The following NUP43 variants were observed in gnomAD, a reference collection of about 807,000 sequenced individuals.
NUP43 encodes nucleoporin Nup43.
NUP43 carries 32 observed loss-of-function variants against 47.3 expected under a neutral mutation model. That is an observed-to-expected ratio of 0.68 (90% CI 0.51 to 0.91). The LOEUF (loss-of-function observed/expected upper bound fraction) is 0.91. Among genes scored for constraint, NUP43 ranks in the 40% least tolerant of loss-of-function variants. The pLI, the probability that NUP43 is intolerant of heterozygous loss-of-function variation, is 0.00. For missense variants in NUP43, 444 were observed against 453.9 expected, an observed-to-expected ratio of 0.98 and a Z score of 0.20; for synonymous variants, 147 against 158.4, an observed-to-expected ratio of 0.93 and a Z score of 0.54.
chr6:149,741,667 A>G (rs181573928), intron 4 of NUP43, among the ~76,000 whole-genome samples: 1 of 150,508 alleles, frequency 6.6e-6, no homozygotes, highest in East Asian at 2.0e-4. Flanking sequence ...CACCTCACCC[A>G]GCTTATTTTT....
At chr6:149,739,506 C>T (rs910702956) in intron 4 of NUP43, among the ~76,000 whole-genome samples, 9 of 152,058 alleles carry the variant, frequency 5.9e-5, no homozygotes, top group Non-Finnish European at 1.2e-4. Context: ...AGGCTGGTCT[C>T]GAACTCCTGA....
chr6:149,745,419 A>G (rs1333765000), intron 2 of NUP43, among the ~76,000 whole-genome samples: 2 of 151,452 alleles, frequency 1.3e-5, no homozygotes, highest in Middle Eastern at 3.2e-3. Context: ...AAAAAAAAAG[A>G]AAACTCAATT....
chr6:149,743,753 T>C (rs778418048), intron 2 of NUP43, 38 bp from the exon 3 acceptor site: 2 of 1,296,694 alleles, frequency 1.5e-6, no homozygotes, highest in African/African-American at 1.5e-5. Flanking sequence ...GATTCAGAAA[T>C]ATTAGCAGGG....
upstream of NUP43, among the ~76,000 whole-genome samples, chr6:149,749,122 C>T (rs545760362): frequency 9.2e-4 from 139 of 151,736 alleles, no homozygotes; most frequent in African/African-American, 3.3e-3. Flanking sequence ...CCAACCCCCA[C>T]CCCCATGTCC....
chr6:149,733,014 A>G (rs1195958299), intron 6 of NUP43, among the ~76,000 whole-genome samples: 1 of 152,042 alleles, frequency 6.6e-6, no homozygotes, highest in Non-Finnish European at 1.5e-5. Context: ...AGCCTCCCAA[A>G]AGTGCTGGAA....
rs1196353038 is a variant in NUP43, at chr6:149,738,651, T to C, written c.630A>G (p.Ile210Met). The C allele has an allele frequency of 1.3e-6, 2 of 1,567,614 alleles. No homozygotes were observed. Among genetic ancestry groups the C allele is most frequent in the Admixed American group, 2.0e-5 (1 of 51,176 alleles). The change falls in exon 5 of 8, where the codon ATA (isoleucine) becomes ATG (methionine). Residue 210 changes from isoleucine (I) to methionine (M), a missense_variant. Transcript: ENST00000340413. ...FRQQGNEPSQ[I>M]LSLTGDRVPL... is the part of the protein sequence containing the mutation. ...TACAAATCAACACTTACAGTGACAATATCTGAGAAGGCTCATTTCCTTGTT... is the reference window on the plus strand; with the variant it reads ...TACAAATCAACACTTACAGTGACAACATCTGAGAAGGCTCATTTCCTTGTT...
At chr6:149,748,342 G>T (rs1786127603), upstream of NUP43, among the ~76,000 whole-genome samples, 1 of 152,008 alleles carries the variant, frequency 6.6e-6, no homozygotes, top group African/African-American at 2.4e-5. Context: ...AAAACAAAAA[G>T]AAACCAGTTT....
rs777712444 is a variant in NUP43, at chr6:149,742,353, G to T, written c.502+37C>A. On this transcript the variant is annotated intron_variant, in intron 4 of 7. Transcript: ENST00000340413. The stretch of plus-strand genomic sequence containing the variant: ...ACTTTTGTATTTTTAGAAGAGACTA[G>T]GTTTCGCCATGTTGGCCAGGCTGGG... The T allele has an allele frequency of 6.9e-6, 11 of 1,595,952 alleles. No individual in the cohort carries two copies. The East Asian group carries it at 2.0e-4, about 29-fold the overall frequency.
Position 149,746,433 on chromosome 6 carries a change from C to T in NUP43, c.63G>A (p.Leu21=). 6.2e-7 allele frequency: 1 copy of T among 1,614,196 alleles called. No individual in the cohort carries two copies. Among genetic ancestry groups the T allele is most frequent in the South Asian group, 1.1e-5 (1 of 91,084 alleles). Residue 21 remains leucine, a synonymous_variant, in exon 1 of 8, where the codon CTG becomes CTA. Coordinates refer to ENST00000340413, the MANE Select transcript of NUP43 (RefSeq NM_198887.3). ...QKISKTRWRP[L]PPGSLQTAET... is the part of the protein sequence containing the mutation. ...CCGCGGTCTGTAAACTTCCCGGAGG[C>T]AGCGGTCGCCAGCGGGTTTTGCTGA...
At chr6:149,728,612 T>C (rs1023865200) in intron 7 of NUP43, 1 of 187,712 alleles carries the variant, frequency 5.3e-6, no homozygotes, top group African/African-American at 2.4e-5. Context: ...TCCTTCCTCA[T>C]CTCCCTGTTT....
chr6:149,746,155 C>T (rs1785984502), intron 1 of NUP43, 93 bp from the exon 2 acceptor site: 1 of 1,439,242 alleles, frequency 6.9e-7, no homozygotes, highest in African/African-American at 1.4e-5. Flanking sequence ...TGCTCCAAAA[C>T]ATCTCAAATG....
chr6:149,729,318 T>C (rs2115077016), intron 7 of NUP43: 1 of 154,082 alleles, frequency 6.5e-6, no homozygotes, highest in Middle Eastern at 3.2e-3. Context: ...TGTGCTCCAC[T>C]ATATACTGTA....
chr6:149,742,350 C>A (rs752437196), intron 4 of NUP43, 40 bp downstream of exon 4: 1 of 1,586,868 alleles, frequency 6.3e-7, no homozygotes, highest in Non-Finnish European at 8.6e-7. Flanking sequence ...TTAGAAGAGA[C>A]TAGGTTTCGC....
chr6:149,728,603 C>T (rs1013400452), intron 7 of NUP43: 6 of 192,014 alleles, frequency 3.1e-5, no homozygotes, highest in Non-Finnish European at 4.8e-5. Context: ...TGATAAGACT[C>T]CTTCCTCATC....
chr6:149,736,169 C>T (rs1048224645), intron 6 of NUP43, among the ~76,000 whole-genome samples: 7 of 149,810 alleles, frequency 4.7e-5, no homozygotes, highest in African/African-American at 9.9e-5. Flanking sequence ...CCCAGCTACT[C>T]GGGAGGCTGA....
At chr6:149,738,263 T>C (rs1237561281) in intron 5 of NUP43, among the ~76,000 whole-genome samples, 1 of 152,198 alleles carries the variant, frequency 6.6e-6, no homozygotes, top group Non-Finnish European at 1.5e-5. Context: ...CACATTCTAT[T>C]TTCTTACGAG....
At chr6:149,744,812 G>T (rs1274770629) in intron 2 of NUP43, among the ~76,000 whole-genome samples, 2 of 151,648 alleles carry the variant, frequency 1.3e-5, no homozygotes, top group East Asian at 3.9e-4. Context: ...CTCCAGCTCG[G>T]GTGACAGTAT....
At chr6:149,730,881 C>T (rs921404510) in intron 7 of NUP43, among the ~76,000 whole-genome samples, 5 of 151,646 alleles carry the variant, frequency 3.3e-5, no homozygotes, top group Admixed American at 2.6e-4. Flanking sequence ...GAGGATGTAG[C>T]GAGCTGTGAT....
At chr6:149,741,306 T>A (rs915763752) in intron 4 of NUP43, among the ~76,000 whole-genome samples, 1 of 152,134 alleles carries the variant, frequency 6.6e-6, no homozygotes, top group African/African-American at 2.4e-5. Flanking sequence ...CCCAAGCAGC[T>A]GGGATTACAG....
Sources: allele counts gnomAD v4.1 joint callset (sites outside exome capture counted in the v4.1 genomes callset), GRCh38; gene constraint gnomAD v4.1.1; transcripts MANE v1.5; gene names NCBI Gene and HGNC (gene_info 2026-07-23, HGNC 2026-07-21).